HTT: variants seen among roughly 807,000 people sequenced by gnomAD.
HTT encodes huntingtin, also known as huntington disease protein.
Under a neutral mutation model 362.3 loss-of-function variants are expected in HTT, and 104 were observed. The observed-to-expected ratio is 0.29, with a 90% confidence interval of 0.24 to 0.34. The LOEUF (loss-of-function observed/expected upper bound fraction) is 0.34. HTT is among the 10% of genes least tolerant of loss of function. The probability of loss-of-function intolerance (pLI) is 1.00; values close to 1 mark genes in which losing one functional copy is unlikely to be tolerated. For synonymous variants in HTT, 1,577 were observed against 1,548.7 expected, an observed-to-expected ratio of 1.02 and a Z score of -0.43; for missense variants, 3,301 against 3,928.6, an observed-to-expected ratio of 0.84 and a Z score of 4.27.
At chr4:3,188,085 T>C (rs363124) in intron 39 of HTT, 199 bp downstream of exon 39, 71,336 of 535,974 alleles carry the variant, frequency 0.13, 7,599 homozygotes, top group African/African-American at 0.43. Flanking sequence ...AGTTCTGTCA[T>C]GTTCTGTCTC....
At chr4:3,107,174 A>T (rs1175317813) in intron 5 of HTT, 111 bp from the exon 6 acceptor site, 6 of 1,102,718 alleles carry the variant, frequency 5.4e-6, no homozygotes, top group Non-Finnish European at 7.9e-6. Flanking sequence ...TCCCCATCCC[A>T]TTAGGGACTG....
chr4:3,163,240 G>C (rs576494314), intron 29 of HTT, among the ~76,000 whole-genome samples: 2 of 152,264 alleles, frequency 1.3e-5, no homozygotes, highest in South Asian at 4.1e-4. Context: ...ATTGATTTGC[G>C]TATGTTGAAC....
intron 29 of HTT, among the ~76,000 whole-genome samples, chr4:3,169,123 A>G (rs1007647305): frequency 6.6e-6 from 1 of 150,678 alleles, no homozygotes; most frequent in South Asian, 2.1e-4. Context: ...GGTTCACGCC[A>G]TTCTCCTGCC....
In HTT at chr4:3,238,919, C is replaced by T. The variant is rs1447499571; in HGVS notation, c.9156C>T (p.Ala3052=). The change falls in exon 66 of 67, where the codon GCC becomes GCT. Residue 3052 remains alanine, a synonymous_variant. Transcript: ENST00000355072. ...CGCAGAGGGCCCCGGTCGCCATGGC[C>T]ACGTGGAGCCTCTCCTGCTTCTTTG... The part of the protein sequence containing the change: ...NFTQRAPVAM[A]TWSLSCFFVS... The T allele has an allele frequency of 1.9e-6, 3 of 1,611,020 alleles. No homozygotes were observed. The highest frequency in any genetic ancestry group is 1.7e-5 in the Admixed American group (1 of 59,854).
intron 64 of HTT, among the ~76,000 whole-genome samples, chr4:3,237,357 A>G (rs1721588005): frequency 6.6e-6 from 1 of 152,216 alleles, no homozygotes; most frequent in Non-Finnish European, 1.5e-5. Flanking sequence ...TGCAGGCGTG[A>G]GCCACTGCGC....
intron 6 of HTT, among the ~76,000 whole-genome samples, chr4:3,108,318 T>C (rs1211105785): frequency 6.6e-6 from 1 of 152,250 alleles, no homozygotes; most frequent in South Asian, 2.1e-4. Context: ...TAAGGAGATA[T>C]TCAAACTAGT....
intron 19 of HTT, among the ~76,000 whole-genome samples, chr4:3,135,249 G>T (rs566619156): frequency 6.6e-6 from 1 of 151,510 alleles, no homozygotes; most frequent in African/African-American, 2.4e-5. Flanking sequence ...ATTAAAAAAC[G>T]TGAGCTGTGG....
chr4:3,165,204 T>G (rs1717640287), intron 29 of HTT, among the ~76,000 whole-genome samples: 1 of 152,196 alleles, frequency 6.6e-6, no homozygotes, highest in Admixed American at 6.5e-5. Flanking sequence ...GATATGAAAT[T>G]CTGGGTTGAA....
intron 42 of HTT, among the ~76,000 whole-genome samples, chr4:3,204,785 A>C (rs1354530813): frequency 6.6e-6 from 1 of 152,180 alleles, no homozygotes; most frequent in Non-Finnish European, 1.5e-5. Flanking sequence ...CTGGCAACAC[A>C]GAGAAACCCT....
chr4:3,106,531 T>C (rs1309709098), intron 5 of HTT, among the ~76,000 whole-genome samples: 1 of 152,238 alleles, frequency 6.6e-6, no homozygotes, highest in East Asian at 1.9e-4. Flanking sequence ...AGAATATAAC[T>C]GGGTCTTGTC....
chr4:3,193,942 G>GTA (rs767095713), intron 40 of HTT, among the ~76,000 whole-genome samples: 2 of 152,068 alleles, frequency 1.3e-5, no homozygotes, highest in African/African-American at 2.4e-5. Context: ...GTGTGTGTGT[G>GTA]TATATATAAA....
intron 28 of HTT, among the ~76,000 whole-genome samples, chr4:3,158,014 A>G (rs1191275353): frequency 6.8e-6 from 1 of 147,984 alleles, no homozygotes; most frequent in Non-Finnish European, 1.5e-5. Context: ...TCTTTTTTAG[A>G]CAGAGTCTTG....
chr4:3,174,870 T>G, intron 32 of HTT, 71 bp downstream of exon 32: 9 of 1,558,144 alleles, frequency 5.8e-6, no homozygotes, highest in Non-Finnish European at 7.9e-6. Context: ...AGCTGAGACT[T>G]TCCAGGTATT....
chr4:3,087,472 G>A (rs1236131393), intron 2 of HTT, among the ~76,000 whole-genome samples: 1 of 152,220 alleles, frequency 6.6e-6, no homozygotes, highest in African/African-American at 2.4e-5. Flanking sequence ...TTCGGGATTA[G>A]TGGGGATCGT....
chr4:3,186,610 C>T lies in HTT; in HGVS notation c.4880C>T (p.Ser1627Phe). 1.9e-6 allele frequency: 3 copies of T among 1,606,996 alleles called. No individual in the cohort carries two copies. The highest frequency in any genetic ancestry group is 2.6e-6 in the Non-Finnish European group (3 of 1,175,756). Residue 1627 changes from serine (S) to phenylalanine (F), a missense_variant, in exon 38 of 67, where the codon TCT becomes TTT. This residue lies in a region of HTT where 2,316 missense variants were observed against 2,658.5 expected (regional missense o/e 0.87). Coordinates refer to ENST00000355072, the MANE Select transcript of HTT (RefSeq NM_001388492.1). ...CTAATTCCACAGATGCACATTGACTCTCATGAAGCCCTTGGAGTGTTAAAT... is the reference window on the plus strand; with the variant it reads ...CTAATTCCACAGATGCACATTGACTTTCATGAAGCCCTTGGAGTGTTAAAT... ...MLAKQQMHID[S>F]HEALGVLNTL...
Position 3,212,055 on chromosome 4 carries a change from C to T in HTT, c.6541C>T (p.Gln2181Ter). Residue 2181 changes from glutamine to a stop codon, truncating the protein, a stop_gained, in exon 48 of 67, where the codon CAG (glutamine) becomes TAG (stop). Transcript: ENST00000355072. LOFTEE classifies it high-confidence loss of function. The part of the protein sequence containing the change: ...VTLARVSGTV[Q>*]QLPAVHHVFQ... The stretch of plus-strand genomic sequence containing the variant: ...TCTGGCCCGTGTGAGCGGCACCGTG[C>T]AGCAGCTCCCTGCTGTCCATCATGT... 6.2e-7 allele frequency: 1 copy of T among 1,614,232 alleles called. No individual in the cohort carries two copies. The highest frequency in any genetic ancestry group is 8.5e-7 in the Non-Finnish European group (1 of 1,180,042).
intron 52 of HTT, among the ~76,000 whole-genome samples, chr4:3,219,174 A>G (rs1018221476): frequency 6.6e-6 from 1 of 152,166 alleles, no homozygotes; most frequent in Non-Finnish European, 1.5e-5. Flanking sequence ...GAAGCAGGCC[A>G]CACTTGCTGC....
rs567618538 is a variant in HTT, at chr4:3,206,139, G to A, written c.5719-357G>A. 1.3e-5 allele frequency among the ~76,000 whole-genome samples: 2 copies of A among 152,352 alleles called. No individual in the cohort carries two copies. Among genetic ancestry groups the A allele is most frequent in the Middle Eastern group, 3.4e-3 (1 of 294 alleles). On this transcript the variant is annotated intron_variant, in intron 42 of 66. Transcript: ENST00000355072. The surrounding 1 kb of genome is among the most constrained non-coding windows in gnomAD (Gnocchi z 4.6). ...GAGAGGGCAGGCAGTGCTGTGGATG[G>A]GGTCATCCCAGCGCAACGCTGCCCC...
intron 61 of HTT, among the ~76,000 whole-genome samples, chr4:3,234,187 C>T (rs557732465): frequency 5.3e-5 from 8 of 152,222 alleles, no homozygotes; most frequent in African/African-American, 1.7e-4. Context: ...ACAGTTCAGA[C>T]AGGAGGGAGG....
Sources: allele counts gnomAD v4.1 joint callset (sites outside exome capture counted in the v4.1 genomes callset), GRCh38; gene constraint gnomAD v4.1.1; regional missense constraint gnomAD v4.1.1; non-coding constraint Gnocchi (gnomAD v3.1); transcripts MANE v1.5; gene names NCBI Gene and HGNC (gene_info 2026-07-23, HGNC 2026-07-21).